CD96: variants seen among roughly 807,000 people sequenced by gnomAD.
The protein encoded by CD96 is T-cell surface protein tactile.
CD96 carries 70 observed loss-of-function variants against 71.3 expected under a neutral mutation model. The observed-to-expected ratio is 0.98, with a 90% CI of 0.81 to 1.20. The LOEUF (loss-of-function observed/expected upper bound fraction) is 1.20. CD96 is among the 50% of genes most tolerant of loss of function. The pLI is 0.00. For missense variants in CD96, 742 were observed against 677.5 expected, an observed-to-expected ratio of 1.10 and a Z score of -1.06; for synonymous variants, 248 against 233.0, an observed-to-expected ratio of 1.06 and a Z score of -0.59.
At chr3:111,611,269 C>T (rs550758932) in intron 8 of CD96, among the ~76,000 whole-genome samples, 3 of 152,216 alleles carry the variant, frequency 2.0e-5, no homozygotes, top group South Asian at 2.1e-4. Context: ...AACTGATCTT[C>T]GGCAAGTGGA....
chr3:111,614,023 G>A (rs1938093913), intron 8 of CD96, among the ~76,000 whole-genome samples: 1 of 152,184 alleles, frequency 6.6e-6, no homozygotes, highest in Non-Finnish European at 1.5e-5. Flanking sequence ...ATTTCAGACA[G>A]ATTATTTGGC....
chr3:111,647,486 G>A, intron 12 of CD96, 57 bp from the exon 13 acceptor site: 2 of 1,557,212 alleles, frequency 1.3e-6, no homozygotes, highest in South Asian at 1.1e-5. Flanking sequence ...GTTTAATCCT[G>A]TTTTCCAAAT....
chr3:111,618,943 CT>C (rs1938385492), intron 8 of CD96, among the ~76,000 whole-genome samples: 1 of 151,978 alleles, frequency 6.6e-6, no homozygotes, highest in Non-Finnish European at 1.5e-5. Flanking sequence ...TCACTTGCTT[CT>C]TTTATTTGGC....
rs571753751 is a variant in CD96, at chr3:111,600,130, A to G, written c.899-596A>G. On this transcript the variant is annotated intron_variant, in intron 6 of 13. Coordinates refer to ENST00000352690, the MANE Select transcript of CD96 (RefSeq NM_005816.5). ...TAGCAAAAAGATTACAATATGCAGC[A>G]TATCCTATCCTACACTTACAGCCAG... is the stretch of plus-strand genomic sequence containing the variant. Among the ~76,000 whole-genome samples, 10 of 152,346 alleles carry G rather than the reference A, an allele frequency of 6.6e-5. 1 individual carries two copies. The highest frequency in any genetic ancestry group is 3.9e-4 in the East Asian group (2 of 5,182).
chr3:111,601,875 G>A (rs951262034), intron 7 of CD96, among the ~76,000 whole-genome samples: 4 of 152,204 alleles, frequency 2.6e-5, no homozygotes, highest in Admixed American at 6.5e-5. Context: ...GAAGAAAAGT[G>A]TACCCAGCAT....
At chr3:111,612,276 A>G (rs1172009088) in intron 8 of CD96, among the ~76,000 whole-genome samples, 1 of 152,234 alleles carries the variant, frequency 6.6e-6, no homozygotes, top group Non-Finnish European at 1.5e-5. Context: ...GATCTGAACT[A>G]GAATGGGCAT....
chr3:111,583,664 T>G (rs1385609018), intron 4 of CD96, among the ~76,000 whole-genome samples: 1 of 152,242 alleles, frequency 6.6e-6, no homozygotes, highest in Non-Finnish European at 1.5e-5. Context: ...ATGTGGAAGC[T>G]GCCAAGGCTT....
intron 14 of CD96, among the ~76,000 whole-genome samples, chr3:111,658,441 A>G (rs139574105): frequency 7.2e-4 from 110 of 152,338 alleles, no homozygotes; most frequent in Admixed American, 2.0e-3. Context: ...GCTGAAATTC[A>G]GAAGTTATCA....
rs1480474777 is a variant in CD96 at position 111,545,217 on chromosome 3, A to C, written c.233A>C (p.Tyr78Ser). Reference protein sequence around the residue: ...IAVYHPQYGFYCAYGRPCESL... With the variant: ...IAVYHPQYGFSCAYGRPCESL... Reference sequence around the variant, plus strand: ...GTCTATCATCCCCAATACGGCTTCTACTGTGCCTATGGGAGACCCTGTGAG... The same window carrying C: ...GTCTATCATCCCCAATACGGCTTCTCCTGTGCCTATGGGAGACCCTGTGAG... Residue 78 changes from tyrosine (Y) to serine (S), a missense_variant, in exon 2 of 14, where the codon TAC becomes TCC. Physicochemically the swap from Tyr to Ser is moderately radical, Grantham distance 144. Transcript: ENST00000352690. 1 of 1,614,196 alleles carries C rather than the reference A, an allele frequency of 6.2e-7. No homozygotes were observed. The highest frequency in any genetic ancestry group is 1.7e-5 in the Admixed American group (1 of 60,018).
chr3:111,613,597 A>G (rs1938069025), intron 8 of CD96, among the ~76,000 whole-genome samples: 1 of 152,200 alleles, frequency 6.6e-6, no homozygotes. Context: ...TTGAAGGCCT[A>G]TATTGTCCAG....
At chr3:111,597,677 T>C (rs1368607068) in intron 5 of CD96, among the ~76,000 whole-genome samples, 1 of 152,230 alleles carries the variant, frequency 6.6e-6, no homozygotes, top group African/African-American at 2.4e-5. Flanking sequence ...ACAAATAGTG[T>C]CGTACATTAT....
At chr3:111,617,944 T>C (rs1477105505) in intron 8 of CD96, among the ~76,000 whole-genome samples, 2 of 152,242 alleles carry the variant, frequency 1.3e-5, no homozygotes, top group Non-Finnish European at 2.9e-5. Flanking sequence ...ATCTCCAAGC[T>C]TTCTGGTGCC....
intron 13 of CD96, 66 bp from the exon 14 acceptor site, chr3:111,649,632 C>CTG (rs773350128): frequency 8.5e-5 from 77 of 906,542 alleles, no homozygotes; most frequent in Middle Eastern, 2.1e-4. Flanking sequence ...CAACACATGT[C>CTG]TGTGTGTGTG....
rs371060269 is a variant in CD96 at position 111,634,782 on chromosome 3, G to A, written c.1322-2414G>A. On this transcript the variant is annotated intron_variant, in intron 10 of 13. Coordinates refer to ENST00000352690, the MANE Select transcript of CD96 (RefSeq NM_005816.5). Reference sequence around the variant, plus strand: ...ATGGTGGCACATACCTGTAATCCCAGCTTCTTGAGAGGCTGAGATGGGAGA... The same window carrying A: ...ATGGTGGCACATACCTGTAATCCCAACTTCTTGAGAGGCTGAGATGGGAGA... 7.9e-5 allele frequency: 12 copies of A among 152,210 alleles called. No individual in the cohort carries two copies. The East Asian group carries it at 1.4e-3, about 17-fold the overall frequency. 9.4% of individuals were successfully genotyped at this position (152,210 alleles called of 1,614,324 possible). A position where few individuals can be genotyped will look rare whatever the true frequency, so the allele number is the denominator to read the frequency against.
At chr3:111,554,529 C>T (rs1275262082) in intron 2 of CD96, among the ~76,000 whole-genome samples, 1 of 151,964 alleles carries the variant, frequency 6.6e-6, no homozygotes, top group Non-Finnish European at 1.5e-5. Flanking sequence ...GCAACTTGCT[C>T]CACCGTATCT....
chr3:111,559,218 T>C (rs1468263841), intron 2 of CD96, among the ~76,000 whole-genome samples: 1 of 146,828 alleles, frequency 6.8e-6, no homozygotes, highest in Non-Finnish European at 1.5e-5. Flanking sequence ...TCAGTTCTGC[T>C]CTGATTTTAG....
At chr3:111,548,380 C>T (rs914189793) in intron 2 of CD96, among the ~76,000 whole-genome samples, 2 of 152,110 alleles carry the variant, frequency 1.3e-5, no homozygotes, top group African/African-American at 4.8e-5. Flanking sequence ...TCTTAGTGCT[C>T]TGAGATTGTG....
chr3:111,573,447 G>T (rs150224629), intron 3 of CD96, among the ~76,000 whole-genome samples: 1 of 152,272 alleles, frequency 6.6e-6, no homozygotes, highest in African/African-American at 2.4e-5. Context: ...ACCTGGGAAA[G>T]CTTCTTAGAA....
intron 3 of CD96, among the ~76,000 whole-genome samples, chr3:111,569,776 C>T (rs910983314): frequency 1.5e-4 from 23 of 152,150 alleles, no homozygotes; most frequent in African/African-American, 5.1e-4. Flanking sequence ...TTGTATCTCT[C>T]ATTTCTTTTT....
Sources: allele counts gnomAD v4.1 joint callset (sites outside exome capture counted in the v4.1 genomes callset), GRCh38; gene constraint gnomAD v4.1.1; transcripts MANE v1.5; gene names NCBI Gene and HGNC (gene_info 2026-07-23, HGNC 2026-07-21).